The following INTS4 variants were observed in gnomAD, a reference collection of about 807,000 sequenced individuals.
INTS4 encodes the protein integrator complex subunit 4, also known as MSTP093.
Under a neutral mutation model 119.5 loss-of-function variants are expected in INTS4, and 70 were observed. That is an observed-to-expected ratio of 0.59 (90% CI 0.48 to 0.71). INTS4 has a LOEUF of 0.71. Among genes scored for constraint, INTS4 ranks in the 30% least tolerant of loss-of-function variants. The probability of loss-of-function intolerance (pLI) is 0.00; values close to 1 mark genes in which losing one functional copy is unlikely to be tolerated. For missense variants in INTS4, 867 were observed against 1,173.2 expected (o/e 0.74, Z 3.81); for synonymous variants, 316 against 419.6 (o/e 0.75, Z 3.02).
intron 2 of INTS4, among the ~76,000 whole-genome samples, chr11:77,990,014 A>C (rs1241881844): frequency 6.6e-6 from 1 of 152,012 alleles, no homozygotes; most frequent in Non-Finnish European, 1.5e-5. Flanking sequence ...TCAGGAGTAC[A>C]AGACCAGCCT....
chr11:77,909,970 T>C (rs1275793262), intron 15 of INTS4, among the ~76,000 whole-genome samples: 1 of 152,026 alleles, frequency 6.6e-6, no homozygotes, highest in East Asian at 1.9e-4. Context: ...TGTGGAGAAA[T>C]AGGAACACTT....
chr11:77,972,267 T>C lies in INTS4; in HGVS notation c.471+6729A>G, dbSNP rs371030276. 3.9e-5 allele frequency among the ~76,000 whole-genome samples: 6 copies of C among 152,098 alleles called. No homozygotes were observed. In the East Asian group the frequency reaches 7.7e-4, roughly 20 times the overall value. On this transcript the variant is annotated intron_variant, in intron 4 of 22. Transcript: ENST00000534064. The stretch of plus-strand genomic sequence containing the variant: ...GCACACACCACCATTCGTGGCTAGT[T>C]TTTATATTTTTTGTAGAGATGGGGT...
chr11:77,906,187 T>C (rs541309895), intron 16 of INTS4, among the ~76,000 whole-genome samples: 11 of 152,338 alleles, frequency 7.2e-5, no homozygotes, highest in Admixed American at 1.3e-4. Flanking sequence ...GGGATTATGA[T>C]TGGCTCCCCT....
chr11:77,974,996 A>T (rs975687055), intron 4 of INTS4, among the ~76,000 whole-genome samples: 2 of 152,066 alleles, frequency 1.3e-5, no homozygotes, highest in Non-Finnish European at 2.9e-5. Flanking sequence ...TTTCTTGGTC[A>T]ATATAACTAA....
In INTS4 at chr11:77,900,704, T is replaced by C. The variant is rs148447483; in HGVS notation, c.2228+717A>G. 2,896 of 677,816 alleles carry C rather than the reference T, an allele frequency of 4.3e-3. 10 individuals are homozygous for C. The highest frequency in any genetic ancestry group is 6.8e-3 in the Non-Finnish European group (2,536 of 375,598). The allele number at this position is 677,816 out of a possible 1,614,324, so 42.0% of individuals were successfully genotyped here. On this transcript the variant is annotated intron_variant, in intron 18 of 22. Transcript: ENST00000534064. Reference sequence around the variant, plus strand: ...TGAAATAGTAAGAAACAAAAAACACTATGGGACACCATCAAAATATCTGAT... The same window carrying C: ...TGAAATAGTAAGAAACAAAAAACACCATGGGACACCATCAAAATATCTGAT...
intron 15 of INTS4, chr11:77,914,982 T>A: frequency 4.9e-6 from 1 of 202,782 alleles, no homozygotes; most frequent in South Asian, 1.0e-4. Context: ...ACTCTGCCAT[T>A]TGGAATATCA....
chr11:77,960,280 T>G, intron 6 of INTS4, 61 bp downstream of exon 6: 1 of 1,208,820 alleles, frequency 8.3e-7, no homozygotes, highest in African/African-American at 1.5e-5. Context: ...AGAACCTGTG[T>G]GCCGCCCTCC....
chr11:77,878,369 A>C (rs1951666053), downstream of INTS4, among the ~76,000 whole-genome samples: 1 of 152,092 alleles, frequency 6.6e-6, no homozygotes, highest in East Asian at 1.9e-4. Context: ...CTCAAAAAAA[A>C]AAAAAAAATT....
At chr11:77,906,199 C>G (rs1591039514) in intron 16 of INTS4, among the ~76,000 whole-genome samples, 1 of 152,148 alleles carries the variant, frequency 6.6e-6, no homozygotes, top group Non-Finnish European at 1.5e-5. Flanking sequence ...GGCTCCCCTT[C>G]TTTTGGGTAC....
chr11:77,900,796 T>C, intron 18 of INTS4: 1 of 595,882 alleles, frequency 1.7e-6, no homozygotes, highest in Non-Finnish European at 3.0e-6. Context: ...ATTCCAGTTA[T>C]CTGAAAGTCT....
At chr11:77,979,191 C>T in intron 3 of INTS4, 89 bp from the exon 4 acceptor site, 1 of 720,144 alleles carries the variant, frequency 1.4e-6, no homozygotes, top group Non-Finnish European at 2.5e-6. Flanking sequence ...TGTAGATTGG[C>T]TAGGCGCAGT....
At chr11:77,993,406 G>A (rs187475379) in intron 1 of INTS4, among the ~76,000 whole-genome samples, 43 of 152,324 alleles carry the variant, frequency 2.8e-4, no homozygotes, top group African/African-American at 9.1e-4. Flanking sequence ...TGTATTCTGT[G>A]AGAAGAGACA....
At position 77,984,217 on chromosome 11, in the gene INTS4, G is replaced by A. The variant is rs182667160; in HGVS notation, c.247-2641C>T. 2.6e-5 allele frequency among the ~76,000 whole-genome samples: 4 copies of A among 152,260 alleles called. No homozygotes were observed. In the East Asian group the frequency reaches 7.7e-4, roughly 29 times the overall value. On this transcript the variant is annotated intron_variant, in intron 2 of 22. Transcript: ENST00000534064. ...GAGACAAAATGTAGAATGAGACCGG[G>A]CACAGTGGCTCACATCTGTAATCCC...
intron 8 of INTS4, among the ~76,000 whole-genome samples, chr11:77,943,336 T>C (rs1176165681): frequency 1.3e-5 from 2 of 152,136 alleles, no homozygotes; most frequent in East Asian, 3.8e-4. Flanking sequence ...TCCTATAGCA[T>C]AGTAATCCAC....
chr11:77,991,149 C>T lies in INTS4; in HGVS notation c.205G>A (p.Val69Ile), dbSNP rs144227709. ...AAGAGAATCCTGACTACTCCCTCTA[C>T]GCTTTCCGCCTCGACAGGCTTCCTG... is the stretch of plus-strand genomic sequence containing the variant. ...FARKPVEAESVEGVVRILLEH... is the reference protein window; with the variant it reads ...FARKPVEAESIEGVVRILLEH... The change falls in exon 2 of 23, where the codon GTA (valine) becomes ATA (isoleucine). Residue 69 changes from valine to isoleucine, a missense_variant. Transcript: ENST00000534064. The T allele has an allele frequency of 5.5e-5, 89 of 1,614,062 alleles. No homozygotes were observed. Among genetic ancestry groups the T allele is most frequent in the Admixed American group, 1.2e-4 (7 of 60,000 alleles).
intron 10 of INTS4, among the ~76,000 whole-genome samples, chr11:77,931,464 T>C (rs531195638): frequency 6.6e-5 from 10 of 152,222 alleles, no homozygotes; most frequent in Non-Finnish European, 1.3e-4. Context: ...TAAGTTAATT[T>C]GATTACATCT....
At chr11:77,932,348 AT>A (rs1340479007) in intron 10 of INTS4, among the ~76,000 whole-genome samples, 2 of 152,254 alleles carry the variant, frequency 1.3e-5, no homozygotes, top group Admixed American at 1.3e-4. Context: ...CAACAAACAT[AT>A]TAAAAAAAGC....
At chr11:77,908,709 G>A (rs1009344179) in intron 15 of INTS4, among the ~76,000 whole-genome samples, 2 of 152,174 alleles carry the variant, frequency 1.3e-5, no homozygotes, top group African/African-American at 4.8e-5. Context: ...ATATAGAGGA[G>A]AAAAATACAT....
At chr11:77,938,067 G>T (rs1221682807) in intron 10 of INTS4, among the ~76,000 whole-genome samples, 1 of 151,772 alleles carries the variant, frequency 6.6e-6, no homozygotes, top group East Asian at 1.9e-4. Flanking sequence ...GGCTGGTCTT[G>T]AACTCCTGGC....
Sources: gnomAD v4.1 joint callset for allele counts (sites outside exome capture counted in the v4.1 genomes callset) on GRCh38, gnomAD v4.1.1 for gene constraint, MANE v1.5 for transcripts, NCBI Gene and HGNC (gene_info 2026-07-23, HGNC 2026-07-21) for gene names.